KAZN: variants seen among roughly 807,000 people sequenced by gnomAD.
The protein encoded by KAZN is kazrin, periplakin interacting protein.
Under a neutral mutation model 87.4 loss-of-function variants are expected in KAZN, and 40 were observed. The ratio of observed to expected loss-of-function variants is 0.46; its 90% CI spans 0.36 to 0.60. The LOEUF is 0.60. Among genes scored for constraint, KAZN ranks in the 20% least tolerant of loss-of-function variants. The pLI is 0.00. For synonymous variants in KAZN, 466 were observed against 458.3 expected (o/e 1.02, Z -0.22); for missense variants, 898 against 1,073.9 (o/e 0.84, Z 2.29).
At chr1:15,095,209 G>A (rs567260621) in intron 10 of KAZN, among the ~76,000 whole-genome samples, 2 of 152,166 alleles carry the variant, frequency 1.3e-5, no homozygotes, top group East Asian at 1.9e-4. Flanking sequence ...GGAACCTCAC[G>A]AGCCCCCCAG....
intron 1 of KAZN, among the ~76,000 whole-genome samples, chr1:14,627,447 C>T (rs1679226584): frequency 6.6e-6 from 1 of 152,006 alleles, no homozygotes; most frequent in African/African-American, 2.4e-5. Context: ...AGCTGGGAGG[C>T]CCGAGGAGGC....
chr1:14,561,903 CAA>C (rs35705563), intron 2 of KAZN, among the ~76,000 whole-genome samples: 1 of 143,068 alleles, frequency 7.0e-6, no homozygotes, highest in Non-Finnish European at 1.5e-5. Context: ...AACTCCATCT[CAA>C]AAAAAAAAAG....
At chr1:14,903,455 G>A (rs1190001285) in intron 1 of KAZN, among the ~76,000 whole-genome samples, 2 of 152,152 alleles carry the variant, frequency 1.3e-5, no homozygotes, top group Admixed American at 6.5e-5. Flanking sequence ...CCTCTGTCCT[G>A]GGGTACTCTT....
intron 2 of KAZN, among the ~76,000 whole-genome samples, chr1:14,546,784 A>T (rs1673173736): frequency 6.6e-6 from 1 of 152,222 alleles, no homozygotes; most frequent in Non-Finnish European, 1.5e-5. Context: ...AAGGATGTTT[A>T]TCAGCTGTGG....
At chr1:14,813,564 C>G (rs1646477516) in intron 1 of KAZN, among the ~76,000 whole-genome samples, 1 of 152,194 alleles carries the variant, frequency 6.6e-6, no homozygotes, top group African/African-American at 2.4e-5. Context: ...GGAGCAGAGT[C>G]AAACTGTCCT....
At chr1:14,401,624 T>TG (rs1663417383) in intron 2 of KAZN, among the ~76,000 whole-genome samples, 1 of 152,060 alleles carries the variant, frequency 6.6e-6, no homozygotes, top group Admixed American at 6.6e-5. Context: ...GAGACCAGCC[T>TG]GGGGAATATG....
At chr1:15,067,265 G>T in intron 8 of KAZN, 2 of 985,538 alleles carry the variant, frequency 2.0e-6, no homozygotes, top group Non-Finnish European at 2.4e-6. Context: ...GCCACACTTA[G>T]AATCTCCCAG....
At chr1:14,905,413 C>T (rs1180528653) in intron 1 of KAZN, among the ~76,000 whole-genome samples, 1 of 152,200 alleles carries the variant, frequency 6.6e-6, no homozygotes, top group Non-Finnish European at 1.5e-5. Context: ...TTGCTGCCAC[C>T]TGCAAATGGG....
At chr1:14,665,943 A>AAAAT (rs2148725340) in intron 1 of KAZN, among the ~76,000 whole-genome samples, 1 of 151,870 alleles carries the variant, frequency 6.6e-6, no homozygotes, top group South Asian at 2.1e-4. Flanking sequence ...AAAAAAAAAA[A>AAAAT]AAAAAAAAAA....
intron 2 of KAZN, among the ~76,000 whole-genome samples, chr1:14,334,394 AAT>A (rs1657080267): frequency 3.8e-5 from 5 of 132,212 alleles, no homozygotes; most frequent in African/African-American, 8.4e-5. Flanking sequence ...AAAAAAAGGA[AAT>A]GGGAAGGCAG....
At chr1:14,179,052 T>C (rs1646141092) in intron 1 of KAZN, among the ~76,000 whole-genome samples, 1 of 152,172 alleles carries the variant, frequency 6.6e-6, no homozygotes. Context: ...TGAAATTATT[T>C]GGCCTGCAGC....
chr1:14,134,054 G>A (rs1027089388), intron 1 of KAZN, among the ~76,000 whole-genome samples: 1 of 152,174 alleles, frequency 6.6e-6, no homozygotes, highest in African/African-American at 2.4e-5. Flanking sequence ...CAAATACTGG[G>A]AAAAGAAGTG....
intron 2 of KAZN, among the ~76,000 whole-genome samples, chr1:14,232,216 CAAAG>C (rs1046731843): frequency 6.6e-6 from 1 of 152,044 alleles, no homozygotes; most frequent in Non-Finnish European, 1.5e-5. Context: ...TAGTCAAAAG[CAAAG>C]AAACAAAGTT....
chr1:14,405,065 G>T (rs1362982620), intron 2 of KAZN, among the ~76,000 whole-genome samples: 6 of 152,180 alleles, frequency 3.9e-5, no homozygotes, highest in Non-Finnish European at 8.8e-5. Context: ...GGGGTAGGGG[G>T]ATAGCAGTGT....
chr1:14,103,548 T>A (rs916666363), intron 1 of KAZN, among the ~76,000 whole-genome samples: 4 of 151,944 alleles, frequency 2.6e-5, no homozygotes, highest in Non-Finnish European at 4.4e-5. Context: ...CTGGATAGAG[T>A]CTGTTTTCTT....
At chr1:14,660,541 C>CTTTTT (rs1156503750) in intron 1 of KAZN, among the ~76,000 whole-genome samples, 18 of 76,034 alleles carry the variant, frequency 2.4e-4, no homozygotes, top group South Asian at 5.3e-4. Flanking sequence ...CTCTCTCTCT[C>CTTTTT]TTTTTTTTTT....
intron 1 of KAZN, among the ~76,000 whole-genome samples, chr1:13,961,424 C>T (rs10803439): frequency 0.37 from 55,937 of 151,942 alleles, 10,851 homozygotes; most frequent in African/African-American, 0.49. Context: ...AAAGCCACAG[C>T]AAGAGGGTCA....
intron 1 of KAZN, among the ~76,000 whole-genome samples, chr1:14,681,613 GTATATATATATATATA>G (rs1338776154): frequency 4.2e-3 from 121 of 29,094 alleles, no homozygotes; most frequent in African/African-American, 5.5e-3. Flanking sequence ...ATGTATATGT[GTATATATATATATATA>G]TATATATATA....
intron 6 of KAZN, chr1:15,062,908 G>T (rs1301360256): frequency 1.3e-5 from 2 of 152,318 alleles, no homozygotes; most frequent in Non-Finnish European, 2.9e-5. Flanking sequence ...CCCTCCTGGG[G>T]CAGCCCAAAG....
Sources: allele counts gnomAD v4.1 joint callset (sites outside exome capture counted in the v4.1 genomes callset), GRCh38; gene constraint gnomAD v4.1.1; transcripts MANE v1.5; gene names NCBI Gene and HGNC (gene_info 2026-07-23, HGNC 2026-07-21).